DCX: variants seen among roughly 807,000 people sequenced by gnomAD.
DCX encodes doublecortin, also known as neuronal migration protein doublecortin.
In DCX, 4 loss-of-function variants were observed where a neutral mutation model predicts 20.9. The ratio of observed to expected loss-of-function variants is 0.19; its 90% CI spans 0.09 to 0.44. The LOEUF is 0.44. DCX is among the 20% of genes least tolerant of loss of function. DCX has a pLI of 0.99. For missense variants in DCX, 133 were observed against 296.9 expected, an observed-to-expected ratio of 0.45 and a Z score of 4.06; for synonymous variants, 103 against 111.4, an observed-to-expected ratio of 0.92 and a Z score of 0.47.
intron 3 of DCX, among the ~76,000 whole-genome samples, chrX:111,389,326 C>A: frequency 9.0e-6 from 1 of 111,342 alleles, no homozygotes; most frequent in Non-Finnish European, 1.9e-5. Flanking sequence ...GGCTCTTATG[C>A]CTACCCACCC....
intron 6 of DCX, among the ~76,000 whole-genome samples, chrX:111,311,909 T>C (rs763942650): frequency 9.8e-5 from 11 of 111,960 alleles, no homozygotes; most frequent in African/African-American, 3.2e-4. Context: ...CACAGTATGG[T>C]AATCAGAGAA....
intron 6 of DCX, among the ~76,000 whole-genome samples, chrX:111,302,792 C>A (rs2095036876): frequency 9.0e-6 from 1 of 111,594 alleles, no homozygotes; most frequent in African/African-American, 3.3e-5. Context: ...TTATTCATTT[C>A]TGAATTAGAT....
At chrX:111,380,773 A>G (rs1378160866) in intron 3 of DCX, among the ~76,000 whole-genome samples, 2 of 111,305 alleles carry the variant, frequency 1.8e-5, no homozygotes, top group East Asian at 5.6e-4. Flanking sequence ...AATATTATAA[A>G]TTCTCTTTTG....
intron 2 of DCX, among the ~76,000 whole-genome samples, chrX:111,405,303 T>C (rs1023254979): frequency 1.3e-4 from 15 of 112,495 alleles, no homozygotes; most frequent in Non-Finnish European, 2.8e-4. Flanking sequence ...ATTAAAATAT[T>C]AAATGACATT....
Position 111,400,307 on chromosome X carries a change from G to A in DCX, c.705+683C>T, listed in dbSNP as rs748497438. 2.7e-5 allele frequency among the ~76,000 whole-genome samples: 3 copies of A among 111,894 alleles called. No homozygotes were observed. The South Asian group carries it at 1.1e-3, about 42-fold the overall frequency. ...AGATATTAATATAGGTGGCACTTTAGTAGTATAACCAATGACATGAAGAAC... is the reference window on the plus strand; with the variant it reads ...AGATATTAATATAGGTGGCACTTTAATAGTATAACCAATGACATGAAGAAC... On this transcript the variant is annotated intron_variant, in intron 3 of 6. Transcript: ENST00000636035.
At chrX:111,410,915 C>A (rs768617034) in intron 1 of DCX, 1 of 1,211,525 alleles carries the variant, frequency 8.3e-7, no homozygotes, top group Admixed American at 2.2e-5. Flanking sequence ...TTAGCATCTC[C>A]AGCTTAGGAA....
intron 3 of DCX, among the ~76,000 whole-genome samples, chrX:111,386,075 G>T (rs996583318): frequency 1.8e-5 from 2 of 111,659 alleles, no homozygotes; most frequent in Non-Finnish European, 3.8e-5. Context: ...GTTTCAGGCT[G>T]GGACTTGACA....
chrX:111,308,746 T>C (rs772394336), intron 6 of DCX, among the ~76,000 whole-genome samples: 6 of 112,154 alleles, frequency 5.3e-5, no homozygotes, highest in African/African-American at 1.9e-4. Context: ...GAATATACTT[T>C]CCTCTAGTCT....
At chrX:111,410,799 A>G in intron 1 of DCX, 1 of 1,211,163 alleles carries the variant, frequency 8.3e-7, no homozygotes, top group Non-Finnish European at 1.1e-6. Flanking sequence ...AAATACATTA[A>G]AACTGGCATC....
chrX:111,345,146 A>G (rs771504602), intron 3 of DCX, among the ~76,000 whole-genome samples: 1 of 112,114 alleles, frequency 8.9e-6, no homozygotes, highest in Non-Finnish European at 1.9e-5. Context: ...TGGGGAAAGC[A>G]TCTCCTATTC....
At chrX:111,404,786 A>G (rs1035581115) in intron 2 of DCX, among the ~76,000 whole-genome samples, 15 of 112,345 alleles carry the variant, frequency 1.3e-4, no homozygotes, top group African/African-American at 4.8e-4. Flanking sequence ...AAAGACATCA[A>G]ATGCTCTTCT....
At chrX:111,302,744 T>C (rs2095036779) in intron 6 of DCX, among the ~76,000 whole-genome samples, 1 of 112,715 alleles carries the variant, frequency 8.9e-6, no homozygotes, top group Non-Finnish European at 1.9e-5. Flanking sequence ...TTAGTTTTCA[T>C]CTGTATTTCT....
At chrX:111,352,079 A>T (rs1247173294) in intron 3 of DCX, among the ~76,000 whole-genome samples, 1 of 111,421 alleles carries the variant, frequency 9.0e-6, no homozygotes, top group Non-Finnish European at 1.9e-5. Flanking sequence ...CTCCTCCCAG[A>T]AAATATTGGA....
At chrX:111,408,650 GAA>G (rs772893981) in intron 2 of DCX, among the ~76,000 whole-genome samples, 1 of 102,615 alleles carries the variant, frequency 9.7e-6, no homozygotes, top group Non-Finnish European at 2.0e-5. Context: ...AAGAAAGAAA[GAA>G]AGAAAGAAAG....
chrX:111,366,050 CTGGTTGAGAACCAT>C (rs1924608344), intron 3 of DCX, among the ~76,000 whole-genome samples: 1 of 112,364 alleles, frequency 8.9e-6, no homozygotes, highest in Non-Finnish European at 1.9e-5. Context: ...AAAACTGCTC[CTGGTTGAGAACCAT>C]TGGTTGAATA....
At chrX:111,379,837 TC>T (rs1232422361) in intron 3 of DCX, among the ~76,000 whole-genome samples, 1 of 111,522 alleles carries the variant, frequency 9.0e-6, no homozygotes, top group Non-Finnish European at 1.9e-5. Flanking sequence ...TTTCTTTCTT[TC>T]TTTTTTTTAA....
intron 3 of DCX, among the ~76,000 whole-genome samples, chrX:111,384,813 G>A (rs1046716667): frequency 3.3e-4 from 37 of 112,538 alleles, no homozygotes; most frequent in African/African-American, 1.2e-3. Context: ...ATTTTGGAAA[G>A]TTTGAAATTT....
At chrX:111,384,317 C>T (rs934010304) in intron 3 of DCX, among the ~76,000 whole-genome samples, 4 of 111,458 alleles carry the variant, frequency 3.6e-5, no homozygotes, top group Non-Finnish European at 7.5e-5. Flanking sequence ...TTAGTACTTA[C>T]TAATTATTAA....
intron 3 of DCX, among the ~76,000 whole-genome samples, chrX:111,397,783 A>ATG (rs200033042): frequency 1.1e-5 from 1 of 90,628 alleles, no homozygotes; most frequent in Non-Finnish European, 2.3e-5. Context: ...ATCTACATAT[A>ATG]TGTGTGTGTG....
Sources: gnomAD v4.1 joint callset for allele counts (sites outside exome capture counted in the v4.1 genomes callset) on GRCh38, gnomAD v4.1.1 for gene constraint, MANE v1.5 for transcripts, NCBI Gene and HGNC (gene_info 2026-07-23, HGNC 2026-07-21) for gene names.